NETO1: variants seen among roughly 807,000 people sequenced by gnomAD.
NETO1 encodes neuropilin and tolloid like 1, also known as neuropilin and tolloid-like protein 1.
NETO1 carries 26 observed loss-of-function variants against 61.3 expected under a neutral mutation model. The ratio of observed to expected loss-of-function variants is 0.42; its 90% confidence interval spans 0.31 to 0.59. The LOEUF (loss-of-function observed/expected upper bound fraction) is 0.59, where lower values mean the gene tolerates loss of function less well. Ranked by LOEUF, NETO1 falls within the 20% of genes least tolerant of loss-of-function variation. NETO1 has a pLI of 0.12. For synonymous variants in NETO1, 225 were observed against 225.8 expected, an observed-to-expected ratio of 1.00 and a Z score of 0.03; for missense variants, 531 against 662.8, an observed-to-expected ratio of 0.80 and a Z score of 2.18.
chr18:72,804,046 T>C (rs930249273), intron 4 of NETO1, among the ~76,000 whole-genome samples: 1 of 152,042 alleles, frequency 6.6e-6, no homozygotes, highest in Non-Finnish European at 1.5e-5. Flanking sequence ...ATCTTCATAT[T>C]AATTTATATT....
rs1298136368 is a variant in NETO1 at position 72,745,328 on chromosome 18, T to C, written c.*2851A>G. 1 of 152,184 alleles carries C rather than the reference T, an allele frequency of 6.6e-6. No homozygotes were observed. The highest frequency in any genetic ancestry group is 1.9e-4 in the East Asian group (1 of 5,198). The allele number at this position is 152,184 out of a possible 1,614,324, so 9.4% of individuals were successfully genotyped here. On this transcript the variant is annotated 3_prime_UTR_variant, in exon 11 of 11. Coordinates refer to ENST00000327305, the MANE Select transcript of NETO1 (RefSeq NM_138966.5). The stretch of plus-strand genomic sequence containing the variant: ...CAACTACAATACATTTGGACAGAAG[T>C]ACGAAGCTTAATATGGGGATTCATT...
intron 4 of NETO1, among the ~76,000 whole-genome samples, chr18:72,831,038 C>T (rs1028177649): frequency 6.6e-6 from 1 of 152,136 alleles, no homozygotes; most frequent in African/African-American, 2.4e-5. Context: ...GACCCCCTTA[C>T]CCCACTACCT....
intron 1 of NETO1, chr18:72,866,876 G>T: frequency 2.4e-6 from 2 of 850,290 alleles, no homozygotes; most frequent in Non-Finnish European, 1.5e-6. Context: ...GCCGAGCTCC[G>T]GGAGCCCCTA....
intron 7 of NETO1, among the ~76,000 whole-genome samples, chr18:72,758,897 AT>A (rs2070876599): frequency 6.6e-6 from 1 of 152,168 alleles, no homozygotes; most frequent in African/African-American, 2.4e-5. Context: ...AAAATTGTAC[AT>A]ACCTTTGGCA....
In NETO1 at chr18:72,862,168, C is replaced by T. The variant is rs568848710; in HGVS notation, c.220+2640G>A. The stretch of plus-strand genomic sequence containing the variant: ...TTTAGATGAAGACACCGGGGTGCCA[C>T]GGGCATTCCAATGGAAGGTTACTAC... On this transcript the variant is annotated intron_variant, in intron 3 of 10. Transcript: ENST00000327305. Among the ~76,000 whole-genome samples the T allele has an allele frequency of 3.2e-3, 480 of 152,272 alleles. 2 individuals carry two copies. Among genetic ancestry groups the T allele is most frequent in the Middle Eastern group, 6.8e-3 (2 of 294 alleles).
chr18:72,798,962 T>A lies in NETO1; in HGVS notation c.470-4558A>T, dbSNP rs138219414. 1.6e-3 allele frequency among the ~76,000 whole-genome samples: 240 copies of A among 152,292 alleles called. 2 individuals carry two copies. The highest frequency in any genetic ancestry group is 5.1e-3 in the African/African-American group (214 of 41,568). On this transcript the variant is annotated intron_variant, in intron 4 of 10. Coordinates refer to ENST00000327305, the MANE Select transcript of NETO1 (RefSeq NM_138966.5). ...CCACATAGTGACCAAGCACCCTGCA[T>A]TAAAAGACACAACTTCAGCGTTATT...
intron 8 of NETO1, among the ~76,000 whole-genome samples, chr18:72,753,157 C>T (rs2070678280): frequency 6.6e-6 from 1 of 151,898 alleles, no homozygotes; most frequent in South Asian, 2.1e-4. Context: ...AAACTCACAT[C>T]CAAGTTCAAC....
chr18:72,834,612 A>G, intron 4 of NETO1: 1 of 983,508 alleles, frequency 1.0e-6, no homozygotes. Context: ...TGTTGGAGCT[A>G]CAGGAAATTT....
At chr18:72,761,063 A>T (rs544268291) in intron 7 of NETO1, among the ~76,000 whole-genome samples, 2 of 152,256 alleles carry the variant, frequency 1.3e-5, no homozygotes, top group Non-Finnish European at 2.9e-5. Context: ...TAAAATGTTA[A>T]GATGTATGAC....
At chr18:72,814,975 A>G (rs1248688708) in intron 4 of NETO1, among the ~76,000 whole-genome samples, 3 of 152,100 alleles carry the variant, frequency 2.0e-5, no homozygotes, top group Admixed American at 1.3e-4. Flanking sequence ...AACAATTATT[A>G]TAAAAATACT....
At chr18:72,790,379 T>C (rs932275417) in intron 6 of NETO1, among the ~76,000 whole-genome samples, 1 of 152,126 alleles carries the variant, frequency 6.6e-6, no homozygotes, top group East Asian at 1.9e-4. Flanking sequence ...AAAACCTTGA[T>C]CATTTCCTCA....
In NETO1 at chr18:72,835,234, G is replaced by C. The variant is rs192038178; in HGVS notation, c.469+23592C>G. 2,711 of 1,511,428 alleles carry C rather than the reference G, an allele frequency of 1.8e-3. 5 individuals are homozygous for C. The highest frequency in any genetic ancestry group is 2.3e-3 in the Non-Finnish European group (2,509 of 1,112,528). 93.6% of individuals were successfully genotyped at this position (1,511,428 alleles called of 1,614,324 possible). A position where few individuals can be genotyped will look rare whatever the true frequency, so the allele number is the denominator to read the frequency against. On this transcript the variant is annotated intron_variant, in intron 4 of 10. Coordinates refer to ENST00000327305, the MANE Select transcript of NETO1 (RefSeq NM_138966.5). ...AGATGGTGTTAGATCAACGTTCTGGGCACCACAGCATCCAGAGATGAGATG... is the reference window on the plus strand; with the variant it reads ...AGATGGTGTTAGATCAACGTTCTGGCCACCACAGCATCCAGAGATGAGATG...
chr18:72,775,512 A>G (rs889684350), intron 7 of NETO1, among the ~76,000 whole-genome samples: 1 of 152,206 alleles, frequency 6.6e-6, no homozygotes, highest in Non-Finnish European at 1.5e-5. Flanking sequence ...CTTGAGAGCC[A>G]TGTGAACGTG....
At chr18:72,742,617 G>A (rs2070360934), downstream of NETO1, 1 of 152,146 alleles carries the variant, frequency 6.6e-6, no homozygotes, top group Non-Finnish European at 1.5e-5. Context: ...TCTTTCAGCA[G>A]TACGTACTAT....
At chr18:72,823,531 A>C (rs1377252187) in intron 4 of NETO1, among the ~76,000 whole-genome samples, 1 of 152,096 alleles carries the variant, frequency 6.6e-6, no homozygotes, top group Non-Finnish European at 1.5e-5. Flanking sequence ...CGTTCAACAA[A>C]GGGACATCAG....
At chr18:72,822,582 C>T (rs1208633201) in intron 4 of NETO1, among the ~76,000 whole-genome samples, 2 of 152,160 alleles carry the variant, frequency 1.3e-5, no homozygotes, top group Non-Finnish European at 2.9e-5. Context: ...ACTTTCCTAC[C>T]GCCAAGCAAA....
At chr18:72,808,330 C>T (rs1405038263) in intron 4 of NETO1, among the ~76,000 whole-genome samples, 2 of 151,998 alleles carry the variant, frequency 1.3e-5, no homozygotes, top group Admixed American at 6.6e-5. Context: ...GTCTTTGGGA[C>T]CCAGGCTTAC....
intron 7 of NETO1, among the ~76,000 whole-genome samples, chr18:72,772,753 ATATATC>A (rs1160743583): frequency 6.2e-5 from 2 of 32,052 alleles, no homozygotes; most frequent in Non-Finnish European, 1.1e-4. Context: ...ATCTCTCTAT[ATATATC>A]TATATATATA....
intron 4 of NETO1, among the ~76,000 whole-genome samples, chr18:72,838,113 A>G (rs1337607641): frequency 6.6e-6 from 1 of 152,226 alleles, no homozygotes; most frequent in Non-Finnish European, 1.5e-5. Flanking sequence ...CTACAGAAAG[A>G]AAAAGGAAAC....
Sources: allele counts gnomAD v4.1 joint callset (sites outside exome capture counted in the v4.1 genomes callset), GRCh38; gene constraint gnomAD v4.1.1; transcripts MANE v1.5; gene names NCBI Gene and HGNC (gene_info 2026-07-23, HGNC 2026-07-21).